SYDE2: variants seen among roughly 807,000 people sequenced by gnomAD.
SYDE2 encodes the protein rho GTPase-activating protein SYDE2.
Under a neutral mutation model 91.5 loss-of-function variants are expected in SYDE2, and 76 were observed. The ratio of observed to expected loss-of-function variants is 0.83; its 90% CI spans 0.69 to 1.01. The LOEUF (loss-of-function observed/expected upper bound fraction) is 1.01. SYDE2 is among the 50% of genes least tolerant of loss of function. The pLI, the probability that SYDE2 is intolerant of heterozygous loss-of-function variation, is 0.00. For missense variants in SYDE2, 1,364 were observed against 1,367.7 expected (o/e 1.00, Z 0.04); for synonymous variants, 513 against 506.4 (o/e 1.01, Z -0.18).
chr1:85,171,898 T>C (rs961052998), intron 4 of SYDE2, among the ~76,000 whole-genome samples: 1 of 151,714 alleles, frequency 6.6e-6, no homozygotes, highest in African/African-American at 2.4e-5. Context: ...TTGAGAAAAG[T>C]AGATAACCAC....
Position 85,159,248 on chromosome 1 carries a change from C to T in SYDE2, c.3087G>A (p.Val1029=), listed in dbSNP as rs766810977. 1.3e-6 allele frequency: 1 copy of T among 776,946 alleles called. No homozygotes were observed. Among genetic ancestry groups the T allele is most frequent in the Non-Finnish European group, 2.4e-6 (1 of 417,354 alleles). 48.1% of individuals were successfully genotyped at this position (776,946 alleles called of 1,614,324 possible). The change falls in exon 7 of 7, where the codon GTG becomes GTA. Residue 1029 remains valine (V), a splice_region_variant and synonymous_variant. Transcript: ENST00000341460. ...VLHYLLQLWP[V]QRLTVKKSTD... is the part of the protein sequence containing the mutation. ...TTGATTTTTTGACAGTTAAACGCTG[C>T]ACTAGAAACAAACAATAATTTTGCT... is the stretch of plus-strand genomic sequence containing the variant.
At chr1:85,178,740 T>C (rs931287073) in intron 3 of SYDE2, among the ~76,000 whole-genome samples, 1 of 152,074 alleles carries the variant, frequency 6.6e-6, no homozygotes, top group Non-Finnish European at 1.5e-5. Flanking sequence ...AAGTATATAG[T>C]TGAAATAAGG....
rs148067725 is a variant in SYDE2, at chr1:85,199,694, T to C, written c.745+558A>G. Reference sequence around the variant, plus strand: ...ATACTACCTGACTAAAAAATTCTACTTATGGTAGGGTTTTTTTTGTTTGAT... The same window carrying C: ...ATACTACCTGACTAAAAAATTCTACCTATGGTAGGGTTTTTTTTGTTTGAT... On this transcript the variant is annotated intron_variant, in intron 1 of 6. Coordinates refer to ENST00000341460, the MANE Select transcript of SYDE2 (RefSeq NM_032184.2). 7.7e-3 allele frequency among the ~76,000 whole-genome samples: 1,172 copies of C among 152,182 alleles called. 12 individuals carry two copies. Among genetic ancestry groups the C allele is most frequent in the African/African-American group, 0.027 (1,111 of 41,510 alleles).
intron 6 of SYDE2, chr1:85,161,215 T>C: frequency 5.5e-6 from 3 of 550,134 alleles, no homozygotes; most frequent in Non-Finnish European, 6.9e-6. Context: ...TCTTGTTTTC[T>C]ACCAGTAGAT....
At chr1:85,168,205 C>T (rs1657366458) in intron 5 of SYDE2, among the ~76,000 whole-genome samples, 1 of 152,028 alleles carries the variant, frequency 6.6e-6, no homozygotes, top group African/African-American at 2.4e-5. Context: ...CACCCTTGTG[C>T]TTCTGCACTC....
chr1:85,176,009 G>A (rs1003227177), intron 4 of SYDE2, among the ~76,000 whole-genome samples: 7 of 152,060 alleles, frequency 4.6e-5, no homozygotes, highest in Non-Finnish European at 1.0e-4. Flanking sequence ...TTGACCTATT[G>A]TTCATATCTT....
chr1:85,185,852 G>A (rs1413585361), intron 2 of SYDE2, among the ~76,000 whole-genome samples: 1 of 152,144 alleles, frequency 6.6e-6, no homozygotes, highest in African/African-American at 2.4e-5. Context: ...GGAGTGGTGA[G>A]AGAGGGCATC....
chr1:85,160,450 T>G, intron 6 of SYDE2: 1 of 935,172 alleles, frequency 1.1e-6, no homozygotes, highest in Non-Finnish European at 1.3e-6. Flanking sequence ...TATGTATCAC[T>G]ATAGATAGCC....
intron 1 of SYDE2, chr1:85,194,936 G>A (rs1440849728): frequency 4.1e-5 from 20 of 485,528 alleles, no homozygotes; most frequent in East Asian, 1.5e-4. Context: ...CAAGGCGGGC[G>A]GATCACGAGG....
In SYDE2 at chr1:85,158,646, G is replaced by T. The variant is rs773572394; in HGVS notation, c.*104C>A. ...ATAAACTTATTAAAAATTAATTAAA[G>T]ATTTCAAGAGTAAAAAAATGAAAAC... On this transcript the variant is annotated 3_prime_UTR_variant, in exon 7 of 7. Transcript: ENST00000341460. The T allele has an allele frequency of 1.3e-4, 74 of 562,840 alleles. No individual in the cohort carries two copies. The highest frequency in any genetic ancestry group is 2.0e-4 in the Non-Finnish European group (63 of 317,626). The allele number at this position is 562,840 out of a possible 1,614,324, so 34.9% of individuals were successfully genotyped here.
At chr1:85,153,287 T>G (rs1025839229), downstream of SYDE2, 3 of 152,142 alleles carry the variant, frequency 2.0e-5, no homozygotes, top group Admixed American at 6.6e-5. Flanking sequence ...AGAGGAAATA[T>G]GAGATTGAGG....
chr1:85,173,728 A>C (rs950169986), intron 4 of SYDE2, among the ~76,000 whole-genome samples: 2 of 152,346 alleles, frequency 1.3e-5, no homozygotes, highest in Non-Finnish European at 2.9e-5. Context: ...ATAAAGGAGG[A>C]GGCAAATATA....
At chr1:85,176,638 A>C (rs1422911680) in intron 4 of SYDE2, among the ~76,000 whole-genome samples, 2 of 152,206 alleles carry the variant, frequency 1.3e-5, no homozygotes, top group African/African-American at 2.4e-5. Flanking sequence ...CATTACAGCA[A>C]GAAAAAAATG....
chr1:85,156,412 A>C (rs2100638183), downstream of SYDE2, among the ~76,000 whole-genome samples: 1 of 152,048 alleles, frequency 6.6e-6, no homozygotes, highest in East Asian at 1.9e-4. Context: ...GAAAAAGAAA[A>C]ATTAAAGCTG....
Position 85,158,643 on chromosome 1 carries a change from A to G in SYDE2, c.*107T>C, listed in dbSNP as rs544334381. 1.8e-6 allele frequency: 1 copy of G among 560,498 alleles called. No homozygotes were observed. The highest frequency in any genetic ancestry group is 2.7e-5 in the South Asian group (1 of 37,040). The allele number at this position is 560,498 out of a possible 1,614,324, so 34.7% of individuals were successfully genotyped here. A position where few individuals can be genotyped will look rare whatever the true frequency, so the allele number is the denominator to read the frequency against. ...CAGATAAACTTATTAAAAATTAATTAAAGATTTCAAGAGTAAAAAAATGAA... is the reference window on the plus strand; with the variant it reads ...CAGATAAACTTATTAAAAATTAATTGAAGATTTCAAGAGTAAAAAAATGAA... On this transcript the variant is annotated 3_prime_UTR_variant, in exon 7 of 7. Coordinates refer to ENST00000341460, the MANE Select transcript of SYDE2 (RefSeq NM_032184.2).
chr1:85,169,362 A>G, intron 4 of SYDE2, 137 bp from the exon 5 acceptor site: 1 of 612,536 alleles, frequency 1.6e-6, no homozygotes, highest in East Asian at 2.9e-5. Flanking sequence ...ACATAAAAAG[A>G]ATTATAAAAT....
At chr1:85,163,712 C>G (rs114793717) in intron 6 of SYDE2, among the ~76,000 whole-genome samples, 2,744 of 152,056 alleles carry the variant, frequency 0.018, 39 homozygotes, top group Non-Finnish European at 0.024. Flanking sequence ...AGCACGGTTA[C>G]TAGTGTGCTC....
rs1378560130 is a variant in SYDE2, at chr1:85,193,877, T to TG, written c.746-3126_746-3125insC. Among the ~76,000 whole-genome samples, 3 of 152,170 alleles carry TG rather than the reference T, an allele frequency of 2.0e-5. No individual in the cohort carries two copies. In the East Asian group the frequency reaches 5.8e-4, roughly 30 times the overall value. On this transcript the variant is annotated intron_variant, in intron 1 of 6. Coordinates refer to ENST00000341460, the MANE Select transcript of SYDE2 (RefSeq NM_032184.2). ...TCCCAGGCTTAAGTGATCTTCCTGT[T>TG]TCCCCCTCCCAAAGTGCTGGAATTA...
chr1:85,156,358 G>T, downstream of SYDE2, among the ~76,000 whole-genome samples: 1 of 151,428 alleles, frequency 6.6e-6, no homozygotes, highest in African/African-American at 2.4e-5. Flanking sequence ...ACCAGCCTGG[G>T]CAATATACTG....
Sources: allele counts gnomAD v4.1 joint callset (sites outside exome capture counted in the v4.1 genomes callset), GRCh38; gene constraint gnomAD v4.1.1; transcripts MANE v1.5; gene names NCBI Gene and HGNC (gene_info 2026-07-23, HGNC 2026-07-21).